FIP1L1: variants seen among roughly 807,000 people sequenced by gnomAD.
The protein encoded by FIP1L1 is pre-mRNA 3'-end-processing factor FIP1.
FIP1L1 carries 21 observed loss-of-function variants against 84.6 expected under a neutral mutation model. That is an observed-to-expected ratio of 0.25 (90% confidence interval 0.18 to 0.36). FIP1L1 has a LOEUF of 0.36. Ranked by LOEUF, FIP1L1 falls within the 10% of genes least tolerant of loss-of-function variation. The pLI, the probability that FIP1L1 is intolerant of heterozygous loss-of-function variation, is 1.00. For missense variants in FIP1L1, 526 were observed against 751.1 expected (o/e 0.70, Z 3.50); for synonymous variants, 263 against 242.3 (o/e 1.09, Z -0.80).
At chr4:53,392,112 C>A (rs769239213) in intron 9 of FIP1L1, among the ~76,000 whole-genome samples, 8 of 152,230 alleles carry the variant, frequency 5.3e-5, no homozygotes, top group Non-Finnish European at 1.2e-4. Flanking sequence ...TCTGGCTTCT[C>A]CATTCCATGG....
At position 53,417,759 on chromosome 4, in the gene FIP1L1, ACACACTCTCTCTCTCTCTCTCTCTCTCT is replaced by A. The variant is rs1326633426; in HGVS notation, c.923+3039_923+3066del. Among the ~76,000 whole-genome samples the A allele has an allele frequency of 2.0e-3, 110 of 54,170 alleles. 2 individuals carry two copies. The highest frequency in any genetic ancestry group is 6.4e-3 in the South Asian group (9 of 1,406). The allele number at this position is 54,170 out of a possible 152,430, so 35.5% of individuals were successfully genotyped here. ...TTTAAACACACACACACACACACAC[ACACACTCTCTCTCTCTCTCTCTCTCTCT>A]CTCTCTCTCTCTCTCTCTCTCTCTC... On this transcript the variant is annotated intron_variant, in intron 11 of 17. Transcript: ENST00000337488.
At chr4:53,441,213 T>C (rs1285027224) in intron 13 of FIP1L1, among the ~76,000 whole-genome samples, 3 of 151,922 alleles carry the variant, frequency 2.0e-5, no homozygotes, top group East Asian at 1.9e-4. Context: ...TAGTGTGATA[T>C]CACACCTGGT....
intron 5 of FIP1L1, among the ~76,000 whole-genome samples, chr4:53,387,838 TC>T (rs1161365510): frequency 6.6e-6 from 1 of 152,234 alleles, no homozygotes; most frequent in East Asian, 1.9e-4. Context: ...AGTCACTTTT[TC>T]TGAATTTGGA....
In FIP1L1 at chr4:53,428,164, A is replaced by C. The variant is rs541656741; in HGVS notation, c.1155A>C (p.Pro385=). ...LPPPPTVSTA[P]PLIPPPGFPP... is the part of the protein sequence containing the mutation. ...CTCCTCCGACTGTCAGCACTGCTCC[A>C]CCTCTGATTCCACCACCGGGTAAAT... The change falls in exon 13 of 18, where the codon CCA becomes CCC. Residue 385 remains proline, a synonymous_variant. Transcript: ENST00000337488. 5.0e-6 allele frequency: 8 copies of C among 1,585,694 alleles called. No individual in the cohort carries two copies. The African/African-American group carries it at 1.1e-4, about 21-fold the overall frequency.
chr4:53,427,723 C>CT lies in FIP1L1; in HGVS notation c.1018-298dup, dbSNP rs568698101. On this transcript the variant is annotated intron_variant, in intron 12 of 17. Transcript: ENST00000337488. ...CTTGTTAAATGATCTTTATGAAGTA[C>CT]TTTTTTCTTGTGTGGAGTGTTTGTA... Among the ~76,000 whole-genome samples, 593 of 152,190 alleles carry CT rather than the reference C, an allele frequency of 3.9e-3. 3 individuals are homozygous for CT. The highest frequency in any genetic ancestry group is 5.5e-3 in the Non-Finnish European group (375 of 67,988).
At chr4:53,413,161 T>G (rs1439688596) in intron 10 of FIP1L1, among the ~76,000 whole-genome samples, 1 of 146,114 alleles carries the variant, frequency 6.8e-6, no homozygotes, top group Non-Finnish European at 1.5e-5. Context: ...CTCCATCATG[T>G]TTTTTTTTTT....
intron 13 of FIP1L1, among the ~76,000 whole-genome samples, chr4:53,436,591 A>G (rs1257853933): frequency 6.6e-6 from 1 of 152,192 alleles, no homozygotes; most frequent in African/African-American, 2.4e-5. Flanking sequence ...GCCCCCACAC[A>G]GGACATAAAT....
chr4:53,452,274 A>G (rs1716507225), intron 15 of FIP1L1, among the ~76,000 whole-genome samples: 1 of 151,906 alleles, frequency 6.6e-6, no homozygotes, highest in Admixed American at 6.6e-5. Context: ...TTGAAATAAA[A>G]TATTGTTGAG....
At chr4:53,429,229 T>C (rs1392326232) in intron 13 of FIP1L1, among the ~76,000 whole-genome samples, 1 of 152,186 alleles carries the variant, frequency 6.6e-6, no homozygotes, top group Non-Finnish European at 1.5e-5. Context: ...AAAAAATGAC[T>C]TGTGGCTTTA....
At chr4:53,388,340 A>G (rs1742232897) in intron 5 of FIP1L1, among the ~76,000 whole-genome samples, 1 of 80,512 alleles carries the variant, frequency 1.2e-5, no homozygotes, top group South Asian at 4.5e-4. Context: ...GGTCTTACTG[A>G]TATCTTTTTT....
chr4:53,390,820 T>C (rs1218262480), intron 7 of FIP1L1, among the ~76,000 whole-genome samples, 189 bp from the exon 8 acceptor site: 2 of 152,192 alleles, frequency 1.3e-5, no homozygotes, highest in Non-Finnish European at 2.9e-5. Flanking sequence ...GTAGACTTAT[T>C]GTTTATTATA....
chr4:53,389,676 T>C (rs1743087986), intron 5 of FIP1L1, 133 bp from the exon 6 acceptor site: 3 of 677,566 alleles, frequency 4.4e-6, no homozygotes, highest in Non-Finnish European at 7.3e-6. Context: ...AAAATAAAGA[T>C]AGAAATAAAA....
chr4:53,445,947 A>T (rs2150295057), intron 15 of FIP1L1, among the ~76,000 whole-genome samples: 1 of 152,306 alleles, frequency 6.6e-6, no homozygotes, highest in South Asian at 2.1e-4. Context: ...TTAGGATGTC[A>T]TGTACTCAAT....
At chr4:53,379,872 C>T (rs1343016951) in intron 3 of FIP1L1, among the ~76,000 whole-genome samples, 1 of 152,158 alleles carries the variant, frequency 6.6e-6, no homozygotes, top group Non-Finnish European at 1.5e-5. Flanking sequence ...GTCGGCTTTA[C>T]CCTGACCACA....
At chr4:53,427,029 T>G (rs1406189819) in intron 12 of FIP1L1, among the ~76,000 whole-genome samples, 1 of 152,204 alleles carries the variant, frequency 6.6e-6, no homozygotes, top group Non-Finnish European at 1.5e-5. Flanking sequence ...ATATTCCTTT[T>G]AGCATCTTTA....
At chr4:53,457,349 C>T (rs1308012669) in intron 16 of FIP1L1, among the ~76,000 whole-genome samples, 1 of 152,032 alleles carries the variant, frequency 6.6e-6, no homozygotes, top group Non-Finnish European at 1.5e-5. Flanking sequence ...CATGCCTCCA[C>T]ACTCCAAATA....
intron 9 of FIP1L1, among the ~76,000 whole-genome samples, chr4:53,395,364 CCT>C (rs1160452941): frequency 6.6e-6 from 1 of 152,254 alleles, no homozygotes; most frequent in African/African-American, 2.4e-5. Context: ...TCTGACCCCA[CCT>C]CTCTCTTTCT....
chr4:53,379,011 TCCATAAA>T, intron 1 of FIP1L1, 55 bp from the exon 2 acceptor site: 1 of 1,520,478 alleles, frequency 6.6e-7, no homozygotes, highest in Non-Finnish European at 9.0e-7. Flanking sequence ...GATTTTTTTT[TCCATAAA>T]ATAAGTATCT....
rs143647313 is a variant in FIP1L1, at chr4:53,425,833, A to G, written c.924-39A>G. The G allele has an allele frequency of 2.0e-3, 2,849 of 1,412,308 alleles. 78 individuals carry two copies. In the East Asian group the frequency reaches 0.058, roughly 29 times the overall value. 87.5% of individuals were successfully genotyped at this position (1,412,308 alleles called of 1,614,324 possible). A position where few individuals can be genotyped will look rare whatever the true frequency, so the allele number is the denominator to read the frequency against. Reference sequence around the variant, plus strand: ...GCTTTTATTATTTTTTAAGCATCTAATTAGGTGAAACTGAATTGATTCAAT... The same window carrying G: ...GCTTTTATTATTTTTTAAGCATCTAGTTAGGTGAAACTGAATTGATTCAAT... On this transcript the variant is annotated intron_variant, in intron 11 of 17. Transcript: ENST00000337488.
Sources: gnomAD v4.1 joint callset for allele counts (sites outside exome capture counted in the v4.1 genomes callset) on GRCh38, gnomAD v4.1.1 for gene constraint, MANE v1.5 for transcripts, NCBI Gene and HGNC (gene_info 2026-07-23, HGNC 2026-07-21) for gene names.